Variants in CENPB observed in about 807,000 individuals in gnomAD.
CENPB encodes centromere protein B.
A neutral mutation model predicts 41.9 loss-of-function variants in CENPB; 19 were observed. The observed-to-expected ratio is 0.45, with a 90% CI of 0.32 to 0.67. The LOEUF is 0.67. CENPB is among the 30% of genes least tolerant of loss of function. The pLI is 0.04. For synonymous variants in CENPB, 399 were observed against 354.4 expected (o/e 1.13, Z -1.41); for missense variants, 614 against 816.2 (o/e 0.75, Z 3.02).
Position 3,784,900 on chromosome 20 carries a change from G to C in CENPB, c.1584C>G (p.Asp528Glu). ...CACCATCCTCCTCATCATCATCGTC[G>C]TCTTCATCTTCATCATCCTCTTCCT... is the stretch of plus-strand genomic sequence containing the variant. ...DDEEEDDEDE[D>E]DDDDEEDGDE... The change falls in exon 1 of 1, where the codon GAC becomes GAG. Residue 528 changes from aspartate (D) to glutamate (E), a missense_variant. Asp to Glu is a conservative substitution (Grantham distance 45). Transcript: ENST00000379751. The surrounding 1 kb of genome is among the most constrained non-coding windows in gnomAD (Gnocchi z 5.2). The C allele has an allele frequency of 1.9e-6, 3 of 1,613,814 alleles. No homozygotes were observed. The highest frequency in any genetic ancestry group is 4.5e-5 in the East Asian group (2 of 44,874).
chr20:3,786,513 C>A lies in CENPB; in HGVS notation c.-30G>T. 1 of 917,142 alleles carries A rather than the reference C, an allele frequency of 1.1e-6. No homozygotes were observed. The highest frequency in any genetic ancestry group is 1.3e-6 in the Non-Finnish European group (1 of 758,912). 56.8% of individuals were successfully genotyped at this position (917,142 alleles called of 1,614,324 possible). ...GCGCGCCCCCCGCCCCGGGGCCCGG[C>A]GCCGCCGCCGCCGCCCCGGGGCGGG... is the stretch of plus-strand genomic sequence containing the variant. On this transcript the variant is annotated 5_prime_UTR_variant, in exon 1 of 1. Transcript: ENST00000379751.
Position 3,786,417 on chromosome 20 carries a change from TCTC to T in CENPB, c.64_66del (p.Glu22del). The T allele has an allele frequency of 6.3e-7, 1 of 1,598,406 alleles. No individual in the cohort carries two copies. The highest frequency in any genetic ancestry group is 8.5e-7 in the Non-Finnish European group (1 of 1,178,472). ...ATCTCGCCCTTGCGCAGGTCCGGAT[TCTC>T]CTCCACCTCCTGGATGATCCGTGAC... On this transcript the variant is annotated inframe_deletion, in exon 1 of 1. Transcript: ENST00000379751.
In CENPB at chr20:3,786,035, G is replaced by A; in HGVS notation, c.449C>T (p.Thr150Ile). The A allele has an allele frequency of 6.9e-7, 1 of 1,456,044 alleles. No individual in the cohort carries two copies. The highest frequency in any genetic ancestry group is 8.9e-7 in the Non-Finnish European group (1 of 1,117,700). The allele number at this position is 1,456,044 out of a possible 1,614,324, so 90.2% of individuals were successfully genotyped here. A position where few individuals can be genotyped will look rare whatever the true frequency, so the allele number is the denominator to read the frequency against. ...RARARNAAPR[T>I]PAAPASPAAV... ...GGCCGGACTGGCAGGCGCCGCCGGG[G>A]TGCGGGGGGCAGCGTTTCGCGCGCG... The change falls in exon 1 of 1, where the codon ACC (threonine) becomes ATC (isoleucine). Residue 150 changes from threonine to isoleucine, a missense_variant. Thr to Ile is a moderately conservative substitution (Grantham distance 89). Around this residue, in one of 2 missense-constraint regions of CENPB, gnomAD observed 537 missense variants for 629.4 expected, o/e 0.85. Coordinates refer to ENST00000379751, the MANE Select transcript of CENPB (RefSeq NM_001810.6).
At position 3,785,841 on chromosome 20, in the gene CENPB, C is replaced by A; in HGVS notation, c.643G>T (p.Asp215Tyr). The A allele has an allele frequency of 6.2e-7, 1 of 1,608,672 alleles. No homozygotes were observed. Among genetic ancestry groups the A allele is most frequent in the Non-Finnish European group, 8.5e-7 (1 of 1,178,098 alleles). Residue 215 changes from aspartate to tyrosine, a missense_variant, in exon 1 of 1, where the codon GAC becomes TAC. By Grantham distance (160) the Asp-to-Tyr change is radical (BLOSUM62 -3). This residue lies in a region of CENPB where 537 missense variants were observed against 629.4 expected (regional missense o/e 0.85). Transcript: ENST00000379751. ...PDQAAGLCGG[D>Y]GRPRQATQRL... ...TGGGTGGCTTGACGCGGCCGTCCGT[C>A]GCCTCCGCACAGCCCCGCGGCCTGG...
chr20:3,785,066 G>C lies in CENPB; in HGVS notation c.1418C>G (p.Ala473Gly), dbSNP rs1299209466. The C allele has an allele frequency of 5.0e-6, 8 of 1,613,874 alleles. No homozygotes were observed. Among genetic ancestry groups the C allele is most frequent in the Non-Finnish European group, 6.8e-6 (8 of 1,179,944 alleles). The change falls in exon 1 of 1, where the codon GCT becomes GGT. Residue 473 changes from alanine (A) to glycine (G), a missense_variant. Physicochemically the swap from Ala to Gly is moderately conservative, Grantham distance 60 (BLOSUM62 0). This residue lies in a region of CENPB where 537 missense variants were observed against 629.4 expected (regional missense o/e 0.85). Transcript: ENST00000379751. ...CACTACTCCCTGGGCCCAGTCCTCA[G>C]CCTCCAAGCCCTCCGAGGAGCTCTC... ...DEESSSEGLE[A>G]EDWAQGVVEA...
At position 3,785,129 on chromosome 20, in the gene CENPB, C is replaced by T; in HGVS notation, c.1355G>A (p.Gly452Asp). The T allele has an allele frequency of 6.3e-7, 1 of 1,598,282 alleles. No individual in the cohort carries two copies. The highest frequency in any genetic ancestry group is 8.5e-7 in the Non-Finnish European group (1 of 1,171,212). The change falls in exon 1 of 1, where the codon GGT becomes GAT. Residue 452 changes from glycine (G) to aspartate (D), a missense_variant. Gly to Asp is a moderately conservative substitution (Grantham distance 94). This residue lies in a region of CENPB where 537 missense variants were observed against 629.4 expected (regional missense o/e 0.85). Coordinates refer to ENST00000379751, the MANE Select transcript of CENPB (RefSeq NM_001810.6). ...CTCTTCTTCATCACTATCAACATCA[C>T]CCTCCTCCTCCACCTCCTCTTCCTC... is the stretch of plus-strand genomic sequence containing the variant. ...LGEEEEVEEE[G>D]DVDSDEEEEE...
In CENPB at chr20:3,785,841, C is replaced by T. The variant is rs2088818139; in HGVS notation, c.643G>A (p.Asp215Asn). The T allele has an allele frequency of 1.2e-6, 2 of 1,608,672 alleles. No individual in the cohort carries two copies. Among genetic ancestry groups the T allele is most frequent in the East Asian group, 2.2e-5 (1 of 44,718 alleles). The change falls in exon 1 of 1, where the codon GAC (aspartate) becomes AAC (asparagine). Residue 215 changes from aspartate to asparagine, a missense_variant. By Grantham distance (23) the Asp-to-Asn change is conservative. Coordinates refer to ENST00000379751, the MANE Select transcript of CENPB (RefSeq NM_001810.6). Reference sequence around the variant, plus strand: ...TGGGTGGCTTGACGCGGCCGTCCGTCGCCTCCGCACAGCCCCGCGGCCTGG... The same window carrying T: ...TGGGTGGCTTGACGCGGCCGTCCGTTGCCTCCGCACAGCCCCGCGGCCTGG... ...PDQAAGLCGG[D>N]GRPRQATQRL...
rs571594294 is a variant in CENPB at position 3,785,308 on chromosome 20, G to A, written c.1176C>T (p.Gly392=). 205 of 1,597,722 alleles carry A rather than the reference G, an allele frequency of 1.3e-4. 2 individuals carry two copies. In the South Asian group the frequency reaches 2.2e-3, roughly 17 times the overall value. ...ACFREAGFGG[G]PNATITTSLK... is the part of the protein sequence containing the mutation. ...GGGAAGTGGTGATGGTGGCATTAGG[G>A]CCACCCCCAAAGCCAGCCTCACGAA... Residue 392 remains glycine (G), a synonymous_variant, in exon 1 of 1, where the codon GGC becomes GGT. Coordinates refer to ENST00000379751, the MANE Select transcript of CENPB (RefSeq NM_001810.6).
In CENPB at chr20:3,785,494, G is replaced by C; in HGVS notation, c.990C>G (p.Val330=). 1 of 1,593,624 alleles carries C rather than the reference G, an allele frequency of 6.3e-7. No individual in the cohort carries two copies. The highest frequency in any genetic ancestry group is 8.5e-7 in the Non-Finnish European group (1 of 1,170,440). Reference sequence around the variant, plus strand: ...GGCGGTAGTGGCCCTTCACCTGCTGGACCACTCCCCTCTCCAGCGGATGCA... The same window carrying C: ...GGCGGTAGTGGCCCTTCACCTGCTGCACCACTCCCCTCTCCAGCGGATGCA... ...GTVHPLERGV[V]QQVKGHYRQA... The change falls in exon 1 of 1, where the codon GTC becomes GTG. Residue 330 remains valine (V), a synonymous_variant. Coordinates refer to ENST00000379751, the MANE Select transcript of CENPB (RefSeq NM_001810.6).
Position 3,785,541 on chromosome 20 carries a change from C to A in CENPB, c.943G>T (p.Ala315Ser). 1 of 1,598,818 alleles carries A rather than the reference C, an allele frequency of 6.3e-7. No homozygotes were observed. Among genetic ancestry groups the A allele is most frequent in the Admixed American group, 1.7e-5 (1 of 57,820 alleles). Reference sequence around the variant, plus strand: ...TGCACGGTGCCGGGAGGGAAGAAGGCCAGCTGCACATGCCGCAGGCCCGAG... The same window carrying A: ...TGCACGGTGCCGGGAGGGAAGAAGGACAGCTGCACATGCCGCAGGCCCGAG... ...DTSGLRHVQL[A>S]FFPPGTVHPL... Residue 315 changes from alanine to serine, a missense_variant, in exon 1 of 1, where the codon GCC (alanine) becomes TCC (serine). By Grantham distance (99) the Ala-to-Ser change is moderately conservative. This residue lies in a region of CENPB where 537 missense variants were observed against 629.4 expected (regional missense o/e 0.85). Coordinates refer to ENST00000379751, the MANE Select transcript of CENPB (RefSeq NM_001810.6).
rs2088806974 is a variant in CENPB, at chr20:3,785,117, C to T, written c.1367G>A (p.Ser456Asn). The T allele has an allele frequency of 1.2e-6, 2 of 1,606,008 alleles. No homozygotes were observed. Among genetic ancestry groups the T allele is most frequent in the Non-Finnish European group, 1.7e-6 (2 of 1,175,428 alleles). The change falls in exon 1 of 1, where the codon AGT (serine) becomes AAT (asparagine). Residue 456 changes from serine (S) to asparagine (N), a missense_variant. Ser to Asn is a conservative substitution (Grantham distance 46, BLOSUM62 1). Coordinates refer to ENST00000379751, the MANE Select transcript of CENPB (RefSeq NM_001810.6). ...EEVEEEGDVD[S>N]DEEEEEDEES... ...CTCATCTTCCTCCTCTTCTTCATCA[C>T]TATCAACATCACCCTCCTCCTCCAC...
chr20:3,785,494 G>A lies in CENPB; in HGVS notation c.990C>T (p.Val330=). The change falls in exon 1 of 1, where the codon GTC becomes GTT. Residue 330 remains valine (V), a synonymous_variant. Transcript: ENST00000379751. The part of the protein sequence containing the change: ...GTVHPLERGV[V]QQVKGHYRQA... ...GGCGGTAGTGGCCCTTCACCTGCTG[G>A]ACCACTCCCCTCTCCAGCGGATGCA... 6.3e-7 allele frequency: 1 copy of A among 1,593,624 alleles called. No individual in the cohort carries two copies. Among genetic ancestry groups the A allele is most frequent in the Non-Finnish European group, 8.5e-7 (1 of 1,170,440 alleles).
Position 3,785,975 on chromosome 20 carries a change from G to A in CENPB, c.509C>T (p.Thr170Ile), listed in dbSNP as rs560373821. ...VPSEGSGGSTTGWRAREEQPP... is the reference protein window; with the variant it reads ...VPSEGSGGSTIGWRAREEQPP... ...CTGCTCCTCCCGAGCGCGCCAACCA[G>A]TAGTGCTCCCGCCACTGCCCTCCGA... Residue 170 changes from threonine to isoleucine, a missense_variant, in exon 1 of 1, where the codon ACT becomes ATT. By Grantham distance (89) the Thr-to-Ile change is moderately conservative (BLOSUM62 -1). Around this residue, in one of 2 missense-constraint regions of CENPB, gnomAD observed 537 missense variants for 629.4 expected, o/e 0.85. Transcript: ENST00000379751. The A allele has an allele frequency of 6.6e-7, 1 of 1,522,040 alleles. No individual in the cohort carries two copies. The highest frequency in any genetic ancestry group is 2.0e-5 in the Admixed American group (1 of 49,080). 94.3% of individuals were successfully genotyped at this position (1,522,040 alleles called of 1,614,324 possible).
In CENPB at chr20:3,785,332, A is replaced by G. The variant is rs1436884220; in HGVS notation, c.1152T>C (p.Phe384=). The G allele has an allele frequency of 1.2e-6, 2 of 1,603,056 alleles. No individual in the cohort carries two copies. Among genetic ancestry groups the G allele is most frequent in the Admixed American group, 3.4e-5 (2 of 58,850 alleles). ...GGCCACCCCCAAAGCCAGCCTCACGAAAGCAGGCGGCTATGTCCGAAGGCT... is the reference window on the plus strand; with the variant it reads ...GGCCACCCCCAAAGCCAGCCTCACGGAAGCAGGCGGCTATGTCCGAAGGCT... ...AVEPSDIAAC[F]REAGFGGGPN... Residue 384 remains phenylalanine (F), a synonymous_variant, in exon 1 of 1, where the codon TTT becomes TTC. Transcript: ENST00000379751.
chr20:3,786,294 T>C lies in CENPB; in HGVS notation c.190A>G (p.Thr64Ala), dbSNP rs202224991. Residue 64 changes from threonine to alanine, a missense_variant, in exon 1 of 1, where the codon ACC becomes GCC. Around this residue, in one of 2 missense-constraint regions of CENPB, gnomAD observed 77 missense variants for 186.8 expected, o/e 0.41. Coordinates refer to ENST00000379751, the MANE Select transcript of CENPB (RefSeq NM_001810.6). ...GACAGCTTGTTGGTCTTGCGGCAGG[T>C]GGAGGCCACCCCGTACTTGCGCTCC... ...ASERKYGVASTCRKTNKLSPY... is the reference protein window; with the variant it reads ...ASERKYGVASACRKTNKLSPY... 1.9e-6 allele frequency: 3 copies of C among 1,591,130 alleles called. No homozygotes were observed. Among genetic ancestry groups the C allele is most frequent in the Non-Finnish European group, 2.6e-6 (3 of 1,174,348 alleles).
Position 3,784,881 on chromosome 20 carries a change from C to T in CENPB, c.1603G>A (p.Asp535Asn). The change falls in exon 1 of 1, where the codon GAT (aspartate) becomes AAT (asparagine). Residue 535 changes from aspartate (D) to asparagine (N), a missense_variant. Physicochemically the swap from Asp to Asn is conservative, Grantham distance 23 (BLOSUM62 1). Transcript: ENST00000379751. This position sits in a 1 kb window ranked among gnomAD's most constrained non-coding sequence, Gnocchi z 5.2. ...CTGGGTACAGGCACCTCATCACCAT[C>T]CTCCTCATCATCATCGTCGTCTTCA... ...EDEDDDDDEEDGDEVPVPSFG... is the reference protein window; with the variant it reads ...EDEDDDDDEENGDEVPVPSFG... 1 of 1,613,448 alleles carries T rather than the reference C, an allele frequency of 6.2e-7. No homozygotes were observed. The highest frequency in any genetic ancestry group is 1.1e-5 in the South Asian group (1 of 91,064).
rs1323093092 is a variant in CENPB at position 3,785,766 on chromosome 20, G to T, written c.718C>A (p.Pro240Thr). 6.2e-7 allele frequency: 1 copy of T among 1,609,174 alleles called. No homozygotes were observed. Among genetic ancestry groups the T allele is most frequent in the Non-Finnish European group, 8.5e-7 (1 of 1,177,896 alleles). ...CANADGSEKL[P>T]PLVAGKSAKP... ...GCCGACTTGCCGGCCACCAGCGGGG[G>T]CAGCTTCTCGCTGCCGTCGGCATTG... Residue 240 changes from proline to threonine, a missense_variant, in exon 1 of 1, where the codon CCC becomes ACC. Pro to Thr is a conservative substitution (Grantham distance 38). Coordinates refer to ENST00000379751, the MANE Select transcript of CENPB (RefSeq NM_001810.6).
chr20:3,785,432 C>T lies in CENPB; in HGVS notation c.1052G>A (p.Gly351Asp). The T allele has an allele frequency of 6.3e-7, 1 of 1,591,190 alleles. No individual in the cohort carries two copies. Among genetic ancestry groups the T allele is most frequent in the Non-Finnish European group, 8.6e-7 (1 of 1,169,228 alleles). ...CAGCTGCAGGCCTGAGGGATCCTGG[C>T]CCTCTAGCGCGGCCATGGCCTTGAG... ...MLLKAMAALEGQDPSGLQLGL... is the reference protein window; with the variant it reads ...MLLKAMAALEDQDPSGLQLGL... Residue 351 changes from glycine to aspartate, a missense_variant, in exon 1 of 1, where the codon GGC (glycine) becomes GAC (aspartate). This residue lies in a region of CENPB where 537 missense variants were observed against 629.4 expected (regional missense o/e 0.85). Transcript: ENST00000379751.
Position 3,784,740 on chromosome 20 carries a change from T to C in CENPB, c.1744A>G (p.Thr582Ala), listed in dbSNP as rs746086964. 6.2e-7 allele frequency: 1 copy of C among 1,614,136 alleles called. No individual in the cohort carries two copies. The highest frequency in any genetic ancestry group is 1.1e-5 in the South Asian group (1 of 91,078). Residue 582 changes from threonine (T) to alanine (A), a missense_variant, in exon 1 of 1, where the codon ACC (threonine) becomes GCC (alanine). Around this residue, in one of 2 missense-constraint regions of CENPB, gnomAD observed 537 missense variants for 629.4 expected, o/e 0.85. Transcript: ENST00000379751. The surrounding 1 kb of genome is among the most constrained non-coding windows in gnomAD (Gnocchi z 5.2). The stretch of plus-strand genomic sequence containing the variant: ...GCCTGCCTGGCGTGGTTCTTCCTGG[T>C]CACATGAACCAGATCGTGTTCCAAG... Reference protein sequence around the residue: ...LHLEHDLVHVTRKNHARQAGV... With the variant: ...LHLEHDLVHVARKNHARQAGV...
Sources: allele counts gnomAD v4.1 joint callset, GRCh38; gene constraint gnomAD v4.1.1; regional missense constraint gnomAD v4.1.1; non-coding constraint Gnocchi (gnomAD v3.1); transcripts MANE v1.5; gene names NCBI Gene and HGNC (gene_info 2026-07-23, HGNC 2026-07-21).